NRXN1: variants seen among roughly 807,000 people sequenced by gnomAD.
NRXN1 encodes the protein neurexin-1.
In NRXN1, 39 loss-of-function variants were observed where a neutral mutation model predicts 150.9. The ratio of observed to expected loss-of-function variants is 0.26; its 90% CI spans 0.20 to 0.34. The LOEUF (loss-of-function observed/expected upper bound fraction) is 0.34, where lower values mean the gene tolerates loss of function less well. Ranked by LOEUF, NRXN1 falls within the 10% of genes least tolerant of loss-of-function variation. The pLI, the probability that NRXN1 is intolerant of heterozygous loss-of-function variation, is 1.00. For synonymous variants in NRXN1, 924 were observed against 757.0 expected (o/e 1.22, Z -3.62); for missense variants, 1,815 against 1,949.9 (o/e 0.93, Z 1.30).
At chr2:50,469,444 C>T (rs2089248439) in intron 16 of NRXN1, among the ~76,000 whole-genome samples, 2 of 151,524 alleles carry the variant, frequency 1.3e-5, no homozygotes, top group African/African-American at 4.8e-5. Flanking sequence ...ATGGAAACTC[C>T]TCACAAGATA....
At chr2:50,787,480 T>C (rs922933971) in intron 5 of NRXN1, among the ~76,000 whole-genome samples, 1 of 151,772 alleles carries the variant, frequency 6.6e-6, no homozygotes, top group African/African-American at 2.4e-5. Context: ...GAGAATCGCT[T>C]GAACCCAGGA....
intron 21 of NRXN1, among the ~76,000 whole-genome samples, chr2:49,955,257 T>C (rs973906389): frequency 2.0e-5 from 3 of 152,126 alleles, no homozygotes; most frequent in Non-Finnish European, 2.9e-5. Context: ...CAAGTATAGA[T>C]TATTTTCTAG....
At chr2:50,483,557 C>T in intron 15 of NRXN1, among the ~76,000 whole-genome samples, 1 of 152,116 alleles carries the variant, frequency 6.6e-6, no homozygotes, top group East Asian at 1.9e-4. Context: ...TCCATTTGAT[C>T]CTTGTTGCAA....
chr2:50,620,543 T>C (rs1261055569), intron 7 of NRXN1, among the ~76,000 whole-genome samples: 3 of 152,166 alleles, frequency 2.0e-5, no homozygotes, highest in Non-Finnish European at 2.9e-5. Context: ...GGTGTACATA[T>C]TAGTAAGGTT....
chr2:50,773,761 T>C (rs575529430), intron 5 of NRXN1, among the ~76,000 whole-genome samples: 21 of 152,222 alleles, frequency 1.4e-4, no homozygotes, highest in African/African-American at 4.6e-4. Flanking sequence ...TTCCAGGCCA[T>C]TTGTTCTAAA....
chr2:50,374,043 A>C (rs529621554), intron 17 of NRXN1, among the ~76,000 whole-genome samples: 1 of 150,476 alleles, frequency 6.6e-6, no homozygotes. Context: ...CACACTTGTA[A>C]TCTCAGCATT....
chr2:50,107,382 A>G (rs1234382265), intron 18 of NRXN1, among the ~76,000 whole-genome samples: 2 of 151,432 alleles, frequency 1.3e-5, no homozygotes, highest in Non-Finnish European at 3.0e-5. Context: ...ACTCTCATTC[A>G]TTATTGCACT....
chr2:50,937,178 G>C (rs908253370), intron 2 of NRXN1, among the ~76,000 whole-genome samples: 1 of 152,064 alleles, frequency 6.6e-6, no homozygotes, highest in Non-Finnish European at 1.5e-5. Context: ...AGATTATAAA[G>C]CATCTTATTT....
At position 51,025,164 on chromosome 2, in the gene NRXN1, G is replaced by T. The variant is rs370253637; in HGVS notation, c.772+2338C>A. Reference sequence around the variant, plus strand: ...ATCCAATCTTTTGTTTTCCTTCTACGTTTCGTGGTGATCTTTTGCACTCCA... The same window carrying T: ...ATCCAATCTTTTGTTTTCCTTCTACTTTTCGTGGTGATCTTTTGCACTCCA... On this transcript the variant is annotated intron_variant, in intron 2 of 22. Transcript: ENST00000401669. Among the ~76,000 whole-genome samples the T allele has an allele frequency of 6.4e-4, 97 of 152,140 alleles. 2 individuals are homozygous for T. The South Asian group carries it at 0.015, about 24-fold the overall frequency.
intron 5 of NRXN1, among the ~76,000 whole-genome samples, chr2:50,887,469 T>C (rs1001712802): frequency 6.6e-6 from 1 of 151,482 alleles, no homozygotes; most frequent in Non-Finnish European, 1.5e-5. Flanking sequence ...AAACTCCTGG[T>C]ACATTTCTCA....
At chr2:50,248,619 C>T (rs1304133820) in intron 17 of NRXN1, among the ~76,000 whole-genome samples, 1 of 152,172 alleles carries the variant, frequency 6.6e-6, no homozygotes, top group East Asian at 1.9e-4. Flanking sequence ...AAAAGACAGA[C>T]AACTTATTCA....
At chr2:50,414,668 C>T (rs911321872) in intron 17 of NRXN1, among the ~76,000 whole-genome samples, 2 of 151,606 alleles carry the variant, frequency 1.3e-5, no homozygotes, top group Non-Finnish European at 2.9e-5. Flanking sequence ...GTAAGTCCCT[C>T]GGAAAATTAT....
chr2:49,936,816 G>GCACACA (rs202032583), intron 22 of NRXN1, among the ~76,000 whole-genome samples: 6,170 of 149,924 alleles, frequency 0.041, 197 homozygotes, highest in Middle Eastern at 0.098. Context: ...AAAAACATAT[G>GCACACA]TACACACACA....
intron 18 of NRXN1, among the ~76,000 whole-genome samples, chr2:50,129,569 T>A (rs1197455384): frequency 6.6e-6 from 1 of 152,148 alleles, no homozygotes; most frequent in Non-Finnish European, 1.5e-5. Flanking sequence ...AACAACTAAG[T>A]TTCATAAACC....
intron 5 of NRXN1, among the ~76,000 whole-genome samples, chr2:50,716,722 T>C (rs1695914956): frequency 6.6e-6 from 1 of 152,156 alleles, no homozygotes; most frequent in Non-Finnish European, 1.5e-5. Flanking sequence ...GAGCTAACAA[T>C]TGTTACAATT....
At position 50,997,758 on chromosome 2, in the gene NRXN1, C is replaced by G. The variant is rs1699516244; in HGVS notation, c.772+29744G>C. 1.4e-5 allele frequency among the ~76,000 whole-genome samples: 2 copies of G among 141,660 alleles called. 1 individual carries two copies. Among genetic ancestry groups the G allele is most frequent in the African/African-American group, 5.9e-5 (2 of 33,696 alleles). 92.9% of individuals were successfully genotyped at this position (141,660 alleles called of 152,430 possible). The stretch of plus-strand genomic sequence containing the variant: ...TCTGGGCCTTAAGCAATCCTCCCGC[C>G]TCCACTTCCCAAAATGCTGGGATTA... On this transcript the variant is annotated intron_variant, in intron 2 of 22. Coordinates refer to ENST00000401669, the MANE Select transcript of NRXN1 (RefSeq NM_001330078.2).
intron 18 of NRXN1, among the ~76,000 whole-genome samples, chr2:50,100,644 C>T (rs775163241): frequency 1.8e-4 from 27 of 152,006 alleles, no homozygotes; most frequent in African/African-American, 5.8e-4. Flanking sequence ...CAAGCCTTTT[C>T]GTGATACTTC....
intron 5 of NRXN1, among the ~76,000 whole-genome samples, chr2:50,811,745 C>G (rs1212676896): frequency 1.3e-5 from 2 of 152,074 alleles, no homozygotes; most frequent in East Asian, 3.9e-4. Flanking sequence ...TTTTATATGA[C>G]TCTAAAAGAA....
intron 2 of NRXN1, among the ~76,000 whole-genome samples, chr2:50,945,934 A>G (rs1231348759): frequency 1.4e-5 from 2 of 147,254 alleles, no homozygotes; most frequent in Admixed American, 1.4e-4. Context: ...CTTTACTTGT[A>G]AAGTATTATT....
Sources: gnomAD v4.1 joint callset for allele counts (sites outside exome capture counted in the v4.1 genomes callset) on GRCh38, gnomAD v4.1.1 for gene constraint, MANE v1.5 for transcripts, NCBI Gene and HGNC (gene_info 2026-07-23, HGNC 2026-07-21) for gene names.